The following ST7 variants were observed in gnomAD, a reference collection of about 807,000 sequenced individuals.
ST7 encodes the protein suppression of tumorigenicity 7, also known as suppressor of tumorigenicity 7 protein.
A neutral mutation model predicts 78.7 loss-of-function variants in ST7; 28 were observed. The ratio of observed to expected loss-of-function variants is 0.36; its 90% confidence interval spans 0.26 to 0.49. ST7 has a LOEUF of 0.49. Ranked by LOEUF, ST7 falls within the 20% of genes least tolerant of loss-of-function variation. The pLI, the probability that ST7 is intolerant of heterozygous loss-of-function variation, is 0.99. For missense variants in ST7, 418 were observed against 696.0 expected, an observed-to-expected ratio of 0.60 and a Z score of 4.49; for synonymous variants, 247 against 249.6, an observed-to-expected ratio of 0.99 and a Z score of 0.10.
chr7:117,105,080 G>A (rs1801849332), intron 2 of ST7, among the ~76,000 whole-genome samples: 1 of 152,128 alleles, frequency 6.6e-6, no homozygotes, highest in African/African-American at 2.4e-5. Context: ...GGGAACAGAG[G>A]TTAATTTGTA....
chr7:117,057,555 C>T (rs1798125837), intron 1 of ST7, among the ~76,000 whole-genome samples: 8 of 152,104 alleles, frequency 5.3e-5, no homozygotes, highest in Admixed American at 2.6e-4. Context: ...TATGTGCTAA[C>T]GTGTTTCTGC....
chr7:117,217,845 A>G (rs920772977), intron 13 of ST7, among the ~76,000 whole-genome samples: 3 of 152,210 alleles, frequency 2.0e-5, no homozygotes, highest in Non-Finnish European at 4.4e-5. Flanking sequence ...ATGTGCTGTA[A>G]CCTCAGAGTG....
chr7:117,101,675 A>G (rs933223955), intron 2 of ST7, among the ~76,000 whole-genome samples: 3 of 152,196 alleles, frequency 2.0e-5, no homozygotes, highest in Non-Finnish European at 4.4e-5. Flanking sequence ...AGTTCACGCC[A>G]AGGACTGTCA....
intron 1 of ST7, among the ~76,000 whole-genome samples, chr7:117,042,998 A>G (rs1797308249): frequency 6.6e-6 from 1 of 152,164 alleles, no homozygotes; most frequent in African/African-American, 2.4e-5. Context: ...AGTTTTTAAT[A>G]TAATTGTTTA....
rs924331610 is a variant in ST7, at chr7:117,219,364, C to G, written c.1498+188C>G. ...GGTTTGGCTTCCTTTTCCTCCAAGT[C>G]TCTCCAAATTTATCAAAGGGAAAGA... On this transcript the variant is annotated intron_variant, in intron 14 of 15. Coordinates refer to ENST00000323984, the MANE Select transcript of ST7 (RefSeq NM_001369598.1). This position sits in a 1 kb window ranked among gnomAD's most constrained non-coding sequence, Gnocchi z 5.1. Among the ~76,000 whole-genome samples the G allele has an allele frequency of 1.3e-5, 2 of 152,208 alleles. No individual in the cohort carries two copies. The highest frequency in any genetic ancestry group is 4.8e-5 in the African/African-American group (2 of 41,446).
At chr7:117,009,268 T>C (rs1563008898) in intron 1 of ST7, among the ~76,000 whole-genome samples, 1 of 31,686 alleles carries the variant, frequency 3.2e-5, no homozygotes, top group East Asian at 7.9e-4. Context: ...TTTTTTTTTT[T>C]TTGTTTTTGG....
At chr7:117,129,875 A>G in intron 4 of ST7, 28 bp downstream of exon 4, 1 of 1,594,932 alleles carries the variant, frequency 6.3e-7, no homozygotes, top group Non-Finnish European at 8.6e-7. Flanking sequence ...TTGGGAAACA[A>G]ATGGGTCTGG....
intron 9 of ST7, among the ~76,000 whole-genome samples, chr7:117,141,748 C>T (rs536396104): frequency 7.2e-4 from 110 of 152,152 alleles, no homozygotes; most frequent in African/African-American, 2.5e-3. Flanking sequence ...TGGCTCACTA[C>T]AGCCTTGACT....
intron 1 of ST7, among the ~76,000 whole-genome samples, chr7:117,010,520 G>A (rs4730766): frequency 0.98 from 149,731 of 152,284 alleles, 73,673 homozygotes; most frequent in East Asian, 1. Context: ...GGTGGTAAGA[G>A]GCCTGGGAGA....
At chr7:117,053,061 A>G (rs1156314634) in intron 1 of ST7, among the ~76,000 whole-genome samples, 3 of 152,170 alleles carry the variant, frequency 2.0e-5, no homozygotes, top group Non-Finnish European at 4.4e-5. Flanking sequence ...ATGATATTCC[A>G]TTGCATGGAA....
chr7:117,041,134 T>C (rs1193098206), intron 1 of ST7, among the ~76,000 whole-genome samples: 5 of 152,078 alleles, frequency 3.3e-5, no homozygotes, highest in African/African-American at 1.2e-4. Flanking sequence ...AAAGCCTGAG[T>C]GATGTTTGTG....
intron 6 of ST7, among the ~76,000 whole-genome samples, chr7:117,133,315 TACA>T (rs907930817): frequency 7.6e-4 from 115 of 152,060 alleles, no homozygotes; most frequent in African/African-American, 2.7e-3. Flanking sequence ...ATGGCCTGCC[TACA>T]AGGTCTTTCG....
intron 1 of ST7, among the ~76,000 whole-genome samples, chr7:117,082,347 A>G (rs929075075): frequency 1.3e-5 from 2 of 152,190 alleles, no homozygotes; most frequent in African/African-American, 4.8e-5. Context: ...AACCAGAAAT[A>G]CCCAATTTGA....
chr7:117,222,906 A>G, intron 15 of ST7: 1 of 1,614,154 alleles, frequency 6.2e-7, no homozygotes, highest in Non-Finnish European at 8.5e-7. Context: ...CTGGAATTGC[A>G]AGAGTATTTT....
intron 15 of ST7, among the ~76,000 whole-genome samples, chr7:117,224,654 C>T (rs1793324132): frequency 6.6e-6 from 1 of 152,148 alleles, no homozygotes; most frequent in Non-Finnish European, 1.5e-5. Flanking sequence ...AGTTTTGAAT[C>T]AGTAGAGATT....
chr7:117,098,772 A>G (rs13223268), intron 1 of ST7: 1 of 1,300,778 alleles, frequency 7.7e-7, no homozygotes, highest in Non-Finnish European at 1.0e-6. Flanking sequence ...CCCTTCTACA[A>G]ACAGATTCAG....
intron 1 of ST7, among the ~76,000 whole-genome samples, chr7:116,971,670 G>C (rs1366712279): frequency 1.3e-5 from 2 of 152,210 alleles, no homozygotes; most frequent in Non-Finnish European, 2.9e-5. Flanking sequence ...AGAGCAATGA[G>C]GTTTCCAATA....
intron 1 of ST7, among the ~76,000 whole-genome samples, chr7:117,031,840 C>G (rs1236424122): frequency 0.014 from 1,487 of 106,782 alleles, 60 homozygotes; most frequent in East Asian, 0.13. Context: ...ATATCTATAT[C>G]TATATCTATA....
At chr7:117,011,184 C>T (rs771202383) in intron 1 of ST7, among the ~76,000 whole-genome samples, 3 of 151,976 alleles carry the variant, frequency 2.0e-5, no homozygotes, top group Non-Finnish European at 4.4e-5. Context: ...GTCTACTTAC[C>T]ACCAGGCTGA....
Sources: allele counts gnomAD v4.1 joint callset (sites outside exome capture counted in the v4.1 genomes callset), GRCh38; gene constraint gnomAD v4.1.1; non-coding constraint Gnocchi (gnomAD v3.1); transcripts MANE v1.5; gene names NCBI Gene and HGNC (gene_info 2026-07-23, HGNC 2026-07-21).